Variants in PREX1 observed in about 807,000 individuals in gnomAD.
PREX1 encodes the protein phosphatidylinositol-3,4,5-trisphosphate dependent Rac exchange factor 1.
In PREX1, 41 loss-of-function variants were observed where a neutral mutation model predicts 198.3. The ratio of observed to expected loss-of-function variants is 0.21; its 90% CI spans 0.16 to 0.27. PREX1 has a LOEUF of 0.27. Ranked by LOEUF, PREX1 falls within the 10% of genes least tolerant of loss-of-function variation. The pLI, the probability that PREX1 is intolerant of heterozygous loss-of-function variation, is 1.00. For synonymous variants in PREX1, 843 were observed against 887.2 expected (o/e 0.95, Z 0.89); for missense variants, 1,620 against 2,200.7 (o/e 0.74, Z 5.28).
At chr20:48,844,079 G>A in the PREX1 span, among the ~76,000 whole-genome samples, 1 of 152,148 alleles carries the variant, frequency 6.6e-6, no homozygotes, top group African/African-American at 2.4e-5. Context: ...GGTCGAGGCT[G>A]CAGTGAACTG....
chr20:48,681,122 A>C (rs1463223219), intron 11 of PREX1, 113 bp downstream of exon 11: 2 of 930,404 alleles, frequency 2.1e-6, no homozygotes, highest in Non-Finnish European at 3.4e-6. Flanking sequence ...TGCCCAGAAA[A>C]CACGGCGGCT....
chr20:48,663,050 G>A (rs1467582367), intron 15 of PREX1, among the ~76,000 whole-genome samples: 1 of 152,180 alleles, frequency 6.6e-6, no homozygotes, highest in African/African-American at 2.4e-5. Flanking sequence ...AGATGAGGTA[G>A]ACACATGAAA....
At chr20:48,838,897 G>A in the PREX1 span, among the ~76,000 whole-genome samples, 1 of 150,024 alleles carries the variant, frequency 6.7e-6, no homozygotes, top group Non-Finnish European at 1.5e-5. Flanking sequence ...GTGGTGGCAG[G>A]CGCCTGTAAT....
intron 1 of PREX1, among the ~76,000 whole-genome samples, chr20:48,795,329 T>C (rs1233744617): frequency 6.6e-6 from 1 of 152,180 alleles, no homozygotes; most frequent in East Asian, 1.9e-4. Context: ...CTTGCCCACA[T>C]ACAGAGAGGC....
chr20:48,861,952 G>A, the PREX1 span, among the ~76,000 whole-genome samples: 6 of 152,176 alleles, frequency 3.9e-5, no homozygotes, highest in Non-Finnish European at 8.8e-5. Flanking sequence ...GCTCACACCT[G>A]TAATCCCAGC....
intron 12 of PREX1, 118 bp from the exon 13 acceptor site, chr20:48,679,527 G>T: frequency 7.2e-7 from 1 of 1,382,890 alleles, no homozygotes; most frequent in Non-Finnish European, 1.0e-6. Flanking sequence ...ATGGGGGCAG[G>T]GGTGAGTTGT....
chr20:48,680,470 C>A (rs917308101), intron 11 of PREX1, among the ~76,000 whole-genome samples: 1 of 152,180 alleles, frequency 6.6e-6, no homozygotes, highest in Non-Finnish European at 1.5e-5. Context: ...AAAGACCCTA[C>A]AATTCTCTAT....
At chr20:48,650,794 T>C in intron 23 of PREX1, 100 bp downstream of exon 23, 1 of 1,422,356 alleles carries the variant, frequency 7.0e-7, no homozygotes, top group Non-Finnish European at 9.6e-7. Flanking sequence ...TTGTTTCAGC[T>C]GAGTTGGGTT....
At chr20:48,855,473 A>G in the PREX1 span, among the ~76,000 whole-genome samples, 1 of 152,064 alleles carries the variant, frequency 6.6e-6, no homozygotes, top group East Asian at 1.9e-4. Context: ...GACTCATTCA[A>G]TCCTACAGTT....
intron 1 of PREX1, among the ~76,000 whole-genome samples, chr20:48,772,819 C>T (rs1019314568): frequency 1.3e-5 from 2 of 152,156 alleles, no homozygotes; most frequent in African/African-American, 4.8e-5. Context: ...TACTCAGGGA[C>T]CACATATCCC....
At chr20:48,857,038 C>G in the PREX1 span, among the ~76,000 whole-genome samples, 1 of 152,162 alleles carries the variant, frequency 6.6e-6, no homozygotes, top group Admixed American at 6.5e-5. Context: ...AGGGTTTCAC[C>G]ATGTTGGCCA....
chr20:48,863,301 C>T, the PREX1 span, among the ~76,000 whole-genome samples: 1 of 152,116 alleles, frequency 6.6e-6, no homozygotes, highest in Non-Finnish European at 1.5e-5. Context: ...TTATTATTAA[C>T]TAAGGCCCAT....
rs577690953 is a variant in PREX1, at chr20:48,625,609, C to T, written c.*276G>A. The T allele has an allele frequency of 2.5e-6, 1 of 407,140 alleles. No homozygotes were observed. Among genetic ancestry groups the T allele is most frequent in the East Asian group, 4.2e-5 (1 of 23,766 alleles). The allele number at this position is 407,140 out of a possible 1,614,324, so 25.2% of individuals were successfully genotyped here. A position where few individuals can be genotyped will look rare whatever the true frequency, so the allele number is the denominator to read the frequency against. On this transcript the variant is annotated 3_prime_UTR_variant, in exon 40 of 40. Coordinates refer to ENST00000371941, the MANE Select transcript of PREX1 (RefSeq NM_020820.4). ...GGACGCAGGAGCCGAAGGCCAGGCA[C>T]CAGCTGCTCCCATCAGCTCTATGGG...
intron 1 of PREX1, among the ~76,000 whole-genome samples, chr20:48,814,597 G>A (rs2090451730): frequency 6.6e-6 from 1 of 152,150 alleles, no homozygotes; most frequent in South Asian, 2.1e-4. Flanking sequence ...AATGAACAAG[G>A]CGGGGAGATG....
chr20:48,842,878 C>T, the PREX1 span, among the ~76,000 whole-genome samples: 7 of 151,962 alleles, frequency 4.6e-5, no homozygotes, highest in African/African-American at 1.7e-4. Context: ...GATAATGTTT[C>T]CTGAGCCACT....
At chr20:48,781,495 G>A (rs1325936038) in intron 1 of PREX1, among the ~76,000 whole-genome samples, 1 of 152,150 alleles carries the variant, frequency 6.6e-6, no homozygotes, top group Non-Finnish European at 1.5e-5. Flanking sequence ...GGGCCACAAT[G>A]GTGCAGCCCC....
chr20:48,753,635 G>A (rs185270653), intron 1 of PREX1, among the ~76,000 whole-genome samples: 7 of 152,182 alleles, frequency 4.6e-5, no homozygotes, highest in Non-Finnish European at 8.8e-5. Flanking sequence ...CTCTTCCACC[G>A]CCCAAATACT....
intron 21 of PREX1, 118 bp downstream of exon 21, chr20:48,652,468 G>A: frequency 1.5e-6 from 2 of 1,338,566 alleles, no homozygotes; most frequent in South Asian, 3.0e-5. Flanking sequence ...CAAACCTGCT[G>A]GCATGGAGGT....
At chr20:48,696,989 C>CACACACACAG (rs1359144105) in intron 7 of PREX1, among the ~76,000 whole-genome samples, 1 of 151,882 alleles carries the variant, frequency 6.6e-6, no homozygotes, top group Non-Finnish European at 1.5e-5. Context: ...CACACACACA[C>CACACACACAG]ACACACACAC....
Sources: allele counts gnomAD v4.1 joint callset (sites outside exome capture counted in the v4.1 genomes callset), GRCh38; gene constraint gnomAD v4.1.1; transcripts MANE v1.5; gene names NCBI Gene and HGNC (gene_info 2026-07-23, HGNC 2026-07-21).